Variants in DNAH14 observed in about 807,000 individuals in gnomAD.
The protein encoded by DNAH14 is dynein axonemal heavy chain 14, also known as axonemal beta dynein heavy chain 14.
A neutral mutation model predicts 520.9 loss-of-function variants in DNAH14; 478 were observed. That is an observed-to-expected ratio of 0.92 (90% confidence interval 0.85 to 0.99). The LOEUF is 0.99. DNAH14 is among the 50% of genes least tolerant of loss of function. The pLI, the probability that DNAH14 is intolerant of heterozygous loss-of-function variation, is 0.00. For synonymous variants in DNAH14, 1,581 were observed against 1,757.2 expected, an observed-to-expected ratio of 0.90 and a Z score of 2.51; for missense variants, 4,831 against 5,234.5, an observed-to-expected ratio of 0.92 and a Z score of 2.38.
At chr1:225,184,555 G>A (rs2084438901) in intron 36 of DNAH14, among the ~76,000 whole-genome samples, 1 of 152,112 alleles carries the variant, frequency 6.6e-6, no homozygotes, top group Non-Finnish European at 1.5e-5. Context: ...GGGAGGCAGA[G>A]GTTGCAGTGA....
At position 225,344,339 on chromosome 1, in the gene DNAH14, C is replaced by T. The variant is rs370944202; in HGVS notation, c.10679-1623C>T. Among the ~76,000 whole-genome samples, 44 of 152,084 alleles carry T rather than the reference C, an allele frequency of 2.9e-4. 1 individual carries two copies. The East Asian group carries it at 7.5e-3, about 26-fold the overall frequency. ...TATGTCATCACTCAGGTATTAAGCC[C>T]AGTACCCATTAGTTATTTTCCTGAT... On this transcript the variant is annotated intron_variant, in intron 69 of 85. Transcript: ENST00000682510.
intron 55 of DNAH14, among the ~76,000 whole-genome samples, chr1:225,291,348 T>C (rs1253313554): frequency 6.6e-6 from 1 of 152,172 alleles, no homozygotes; most frequent in Non-Finnish European, 1.5e-5. Context: ...TTTCTTGATA[T>C]ACTGATTTCC....
At chr1:225,150,379 G>C (rs140299705) in intron 31 of DNAH14, among the ~76,000 whole-genome samples, 1 of 152,244 alleles carries the variant, frequency 6.6e-6, no homozygotes, top group African/African-American at 2.4e-5. Context: ...TCTTTGCCAG[G>C]TTTTAGTGTT....
At chr1:225,328,272 C>T (rs2094720020) in intron 64 of DNAH14, among the ~76,000 whole-genome samples, 1 of 152,166 alleles carries the variant, frequency 6.6e-6, no homozygotes, top group African/African-American at 2.4e-5. Flanking sequence ...AGAAATTTTA[C>T]AGGCCAGTGG....
chr1:225,346,058 C>G lies in DNAH14; in HGVS notation c.10775C>G (p.Ala3592Gly), dbSNP rs1304607006. 1.3e-6 allele frequency: 2 copies of G among 1,551,606 alleles called. No individual in the cohort carries two copies. Among genetic ancestry groups the G allele is most frequent in the East Asian group, 2.4e-5 (1 of 40,916 alleles). Residue 3592 changes from alanine to glycine, a missense_variant, in exon 70 of 86, where the codon GCT becomes GGT. Ala to Gly is a moderately conservative substitution (Grantham distance 60). Transcript: ENST00000682510. ...ISKRIEATKK[A>G]ESEIQAIRKN... is the part of the protein sequence containing the mutation. The stretch of plus-strand genomic sequence containing the variant: ...AAGCGCATCGAAGCAACAAAAAAAG[C>G]TGAAAGTGAAATCCAAGCAATACGT...
In DNAH14 at chr1:225,337,473, AC is replaced by A. The variant is rs1237749857; in HGVS notation, c.10289del (p.Thr3430LysfsTer14). 1.3e-6 allele frequency: 2 copies of A among 1,551,794 alleles called. No individual in the cohort carries two copies. The highest frequency in any genetic ancestry group is 1.7e-6 in the Non-Finnish European group (2 of 1,146,926). ...CAAAAAAATTGAAAATGCTATGAAG[AC>A]AGGAGGGAGTGTCCTCCTGCAGGTA... Reference protein sequence around the residue: ...YTKKIENAMKTGGSVLLQNLL... With the variant: ...YTKKIENAMKXGGSVLLQNLL... On this transcript the variant is annotated frameshift_variant, in exon 67 of 86. Transcript: ENST00000682510. LOFTEE classifies it high-confidence loss of function.
intron 27 of DNAH14, among the ~76,000 whole-genome samples, chr1:225,133,936 T>C (rs1320034686): frequency 2.0e-5 from 3 of 152,228 alleles, no homozygotes; most frequent in African/African-American, 4.8e-5. Flanking sequence ...GAAGAGGTCC[T>C]TCATTTCCCT....
chr1:225,022,397 C>T (rs2065778060), intron 10 of DNAH14, among the ~76,000 whole-genome samples: 1 of 151,268 alleles, frequency 6.6e-6, no homozygotes, highest in Non-Finnish European at 1.5e-5. Flanking sequence ...TCTTTAACAC[C>T]CCAACAAACA....
chr1:225,035,078 TC>T (rs2066851153), intron 11 of DNAH14, among the ~76,000 whole-genome samples: 2 of 152,036 alleles, frequency 1.3e-5, no homozygotes, highest in Admixed American at 1.3e-4. Context: ...TGCATGTGTC[TC>T]AATTTCCTTC....
chr1:225,376,970 G>GGT (rs1553372801), intron 78 of DNAH14, among the ~76,000 whole-genome samples: 1 of 149,574 alleles, frequency 6.7e-6, no homozygotes, highest in Non-Finnish European at 1.5e-5. Context: ...CCTTTAAAGC[G>GGT]TTTTTTTTTT....
chr1:224,949,104 A>G (rs558120516), intron 1 of DNAH14, among the ~76,000 whole-genome samples: 44 of 152,294 alleles, frequency 2.9e-4, no homozygotes, highest in African/African-American at 1.0e-3. Context: ...TCTGGTTAAA[A>G]AAACACATAT....
intron 10 of DNAH14, among the ~76,000 whole-genome samples, chr1:225,011,208 T>G (rs1376675566): frequency 3.3e-5 from 5 of 152,222 alleles, no homozygotes; most frequent in Admixed American, 3.3e-4. Context: ...CGATTTTAGA[T>G]CTTTCCCACT....
At chr1:225,334,370 T>TCCTAAG (rs1447995450) in intron 66 of DNAH14, among the ~76,000 whole-genome samples, 1 of 152,122 alleles carries the variant, frequency 6.6e-6, no homozygotes, top group Non-Finnish European at 1.5e-5. Context: ...ATGCCTGTCA[T>TCCTAAG]CCTAAGCCTA....
At chr1:225,368,650 G>A (rs562878802) in intron 77 of DNAH14, among the ~76,000 whole-genome samples, 26 of 151,862 alleles carry the variant, frequency 1.7e-4, no homozygotes, top group South Asian at 4.2e-4. Flanking sequence ...TGCTTCCAGC[G>A]TACAACATTA....
intron 12 of DNAH14, among the ~76,000 whole-genome samples, chr1:225,040,212 T>A (rs1043881157): frequency 6.6e-6 from 1 of 152,130 alleles, no homozygotes; most frequent in Admixed American, 6.5e-5. Context: ...GTGTTGGGAT[T>A]ACAGGCATGA....
intron 11 of DNAH14, among the ~76,000 whole-genome samples, chr1:225,026,471 C>T (rs920080034): frequency 1.2e-4 from 18 of 151,934 alleles, no homozygotes; most frequent in South Asian, 2.1e-4. Context: ...CTTTTGTATA[C>T]GAATATCCAG....
rs1385907648 is a variant in DNAH14 at position 225,082,592 on chromosome 1, A to G, written c.3180A>G (p.Val1060=). 9 of 1,551,512 alleles carry G rather than the reference A, an allele frequency of 5.8e-6. No homozygotes were observed. The East Asian group carries it at 2.2e-4, about 38-fold the overall frequency. The change falls in exon 20 of 86, where the codon GTA becomes GTG. Residue 1060 remains valine, a synonymous_variant. Coordinates refer to ENST00000682510, the MANE Select transcript of DNAH14 (RefSeq NM_001367479.1). ...TGGTAACACATCTTAAGCAAGTGGT[A>G]ACAGAGTTTAAACAAGAGCTGCCTA... ...SDMVTHLKQV[V]TEFKQELPII...
chr1:225,339,290 G>A (rs1393592501), intron 68 of DNAH14, among the ~76,000 whole-genome samples: 3 of 152,110 alleles, frequency 2.0e-5, no homozygotes, highest in African/African-American at 7.2e-5. Context: ...CAGCCTGGGC[G>A]ACAAGAGTGA....
chr1:225,324,057 C>G (rs1188782992), intron 62 of DNAH14, among the ~76,000 whole-genome samples, 165 bp from the exon 63 acceptor site: 3 of 152,158 alleles, frequency 2.0e-5, no homozygotes, highest in Middle Eastern at 3.2e-3. Context: ...CTCTGGTGAC[C>G]CACCCACCTC....
Sources: gnomAD v4.1 joint callset for allele counts (sites outside exome capture counted in the v4.1 genomes callset) on GRCh38, gnomAD v4.1.1 for gene constraint, MANE v1.5 for transcripts, NCBI Gene and HGNC (gene_info 2026-07-23, HGNC 2026-07-21) for gene names.